CLNK: variants seen among roughly 807,000 people sequenced by gnomAD.
CLNK encodes cytokine-dependent hematopoietic cell linker.
A neutral mutation model predicts 68.6 loss-of-function variants in CLNK; 74 were observed. The observed-to-expected ratio is 1.08, with a 90% CI of 0.89 to 1.31. The LOEUF is 1.31. CLNK is among the 50% of genes most tolerant of loss of function. The pLI, the probability that CLNK is intolerant of heterozygous loss-of-function variation, is 0.00. For missense variants in CLNK, 553 were observed against 515.3 expected (o/e 1.07, Z -0.71); for synonymous variants, 198 against 172.2 (o/e 1.15, Z -1.17).
intron 2 of CLNK, among the ~76,000 whole-genome samples, chr4:10,653,879 G>A (rs10938919): frequency 0.45 from 67,870 of 151,976 alleles, 16,185 homozygotes; most frequent in Non-Finnish European, 0.54. Context: ...GAACAAACAC[G>A]TATGTAGAAA....
intron 11 of CLNK, 103 bp downstream of exon 11, chr4:10,540,391 T>C (rs1172531794): frequency 1.2e-6 from 1 of 808,556 alleles, no homozygotes; most frequent in Non-Finnish European, 2.1e-6. Context: ...CCCCACCCAT[T>C]AGGGAGCCTG....
intron 15 of CLNK, among the ~76,000 whole-genome samples, chr4:10,517,018 T>C (rs1248093429): frequency 6.6e-6 from 1 of 152,216 alleles, no homozygotes; most frequent in African/African-American, 2.4e-5. Flanking sequence ...GGAATAAAAC[T>C]AGAGCCATTC....
At chr4:10,626,653 A>AT (rs1421545080) in intron 2 of CLNK, among the ~76,000 whole-genome samples, 17 of 152,224 alleles carry the variant, frequency 1.1e-4, no homozygotes, top group Non-Finnish European at 1.9e-4. Flanking sequence ...GTAAATACTA[A>AT]TTTTTTGGTA....
chr4:10,607,056 T>G (rs1721819488), intron 2 of CLNK, among the ~76,000 whole-genome samples: 1 of 152,232 alleles, frequency 6.6e-6, no homozygotes, highest in Non-Finnish European at 1.5e-5. Context: ...TTGGGTCCTA[T>G]AGTTAGACAT....
At chr4:10,710,112 G>C in the CLNK span, among the ~76,000 whole-genome samples, 1 of 152,208 alleles carries the variant, frequency 6.6e-6, no homozygotes, top group African/African-American at 2.4e-5. Context: ...GTAAGGGAAA[G>C]GGGGTTCTGT....
chr4:10,508,350 T>A (rs965047483), intron 16 of CLNK, among the ~76,000 whole-genome samples: 17 of 152,280 alleles, frequency 1.1e-4, no homozygotes, highest in African/African-American at 3.6e-4. Flanking sequence ...CTTCAGCTGC[T>A]GAGGCTTGTT....
intron 2 of CLNK, among the ~76,000 whole-genome samples, chr4:10,615,227 C>A (rs1011745328): frequency 6.6e-6 from 1 of 152,034 alleles, no homozygotes; most frequent in Non-Finnish European, 1.5e-5. Context: ...TGCCTGTAAT[C>A]CCAGCACTTT....
At chr4:10,564,321 G>C (rs945227294) in intron 7 of CLNK, among the ~76,000 whole-genome samples, 1 of 152,132 alleles carries the variant, frequency 6.6e-6, no homozygotes, top group African/African-American at 2.4e-5. Flanking sequence ...GTTGGGCCGA[G>C]ACTCTGGGCA....
chr4:10,549,345 A>G (rs1041903776), intron 8 of CLNK, among the ~76,000 whole-genome samples: 1 of 152,206 alleles, frequency 6.6e-6, no homozygotes. Context: ...GGTAATTCAG[A>G]TAAATTCCAG....
intron 18 of CLNK, among the ~76,000 whole-genome samples, chr4:10,493,585 C>G (rs1318821200): frequency 6.6e-6 from 1 of 152,156 alleles, no homozygotes; most frequent in Non-Finnish European, 1.5e-5. Context: ...AACACCATCA[C>G]CTTAGGGCTT....
At chr4:10,615,787 A>T (rs1722206111) in intron 2 of CLNK, among the ~76,000 whole-genome samples, 1 of 152,202 alleles carries the variant, frequency 6.6e-6, no homozygotes, top group African/African-American at 2.4e-5. Flanking sequence ...AAGGTCAAAG[A>T]TTTTTCCAAG....
intron 2 of CLNK, among the ~76,000 whole-genome samples, chr4:10,663,643 C>G (rs1724279681): frequency 6.6e-6 from 1 of 152,124 alleles, no homozygotes; most frequent in Non-Finnish European, 1.5e-5. Context: ...TACACATGTA[C>G]ATATACAATA....
intron 11 of CLNK, among the ~76,000 whole-genome samples, chr4:10,535,231 GAAAGAAAGAAAGA>G (rs1451311345): frequency 2.0e-5 from 2 of 99,342 alleles, no homozygotes; most frequent in African/African-American, 7.5e-5. Context: ...AAGAAAGAAA[GAAAGAAAGAAAGA>G]AAGAAAGAAA....
chr4:10,655,683 C>T (rs1217147284), intron 2 of CLNK, among the ~76,000 whole-genome samples: 3 of 131,562 alleles, frequency 2.3e-5, no homozygotes, highest in Admixed American at 8.5e-5. Context: ...AGAGTCTTGC[C>T]CTGTTGCCCA....
the CLNK span, among the ~76,000 whole-genome samples, chr4:10,696,255 C>T: frequency 6.6e-6 from 1 of 152,066 alleles, no homozygotes; most frequent in Non-Finnish European, 1.5e-5. Context: ...TTTGGCCTTG[C>T]CGTTCTTTGG....
At chr4:10,650,865 A>G (rs1247068669) in intron 2 of CLNK, among the ~76,000 whole-genome samples, 2 of 152,192 alleles carry the variant, frequency 1.3e-5, no homozygotes, top group African/African-American at 2.4e-5. Flanking sequence ...AAAAAAAACA[A>G]ACAACCTCAT....
intron 2 of CLNK, among the ~76,000 whole-genome samples, chr4:10,664,559 C>T (rs755867758): frequency 3.9e-5 from 6 of 152,188 alleles, no homozygotes; most frequent in Admixed American, 6.5e-5. Flanking sequence ...AGGAAGGAAA[C>T]GGTGCTGGGA....
At chr4:10,661,381 A>G (rs1724186454) in intron 2 of CLNK, among the ~76,000 whole-genome samples, 1 of 152,198 alleles carries the variant, frequency 6.6e-6, no homozygotes, top group African/African-American at 2.4e-5. Flanking sequence ...ACAGTCATTC[A>G]CTCAGGTGAT....
chr4:10,612,478 G>T (rs1273470024), intron 2 of CLNK, among the ~76,000 whole-genome samples: 1 of 152,194 alleles, frequency 6.6e-6, no homozygotes, highest in African/African-American at 2.4e-5. Context: ...TTTACAGATT[G>T]GGAGGAAAAG....
Sources: gnomAD v4.1 joint callset for allele counts (sites outside exome capture counted in the v4.1 genomes callset) on GRCh38, gnomAD v4.1.1 for gene constraint, MANE v1.5 for transcripts, NCBI Gene and HGNC (gene_info 2026-07-23, HGNC 2026-07-21) for gene names.